Variants in ST3GAL3 observed in about 807,000 individuals in gnomAD.
ST3GAL3 encodes ST3 beta-galactoside alpha-2,3-sialyltransferase 3.
Under a neutral mutation model 50.1 loss-of-function variants are expected in ST3GAL3, and 21 were observed. The ratio of observed to expected loss-of-function variants is 0.42; its 90% CI spans 0.30 to 0.60. The LOEUF is 0.60. Ranked by LOEUF, ST3GAL3 falls within the 20% of genes least tolerant of loss-of-function variation. The pLI, the probability that ST3GAL3 is intolerant of heterozygous loss-of-function variation, is 0.19. For missense variants in ST3GAL3, 353 were observed against 489.4 expected, an observed-to-expected ratio of 0.72 and a Z score of 2.63; for synonymous variants, 183 against 190.0, an observed-to-expected ratio of 0.96 and a Z score of 0.30.
At position 43,881,352 on chromosome 1, in the gene ST3GAL3, G is replaced by A. The variant is rs12124580; in HGVS notation, c.303-13031G>A. On this transcript the variant is annotated intron_variant, in intron 5 of 11. Coordinates refer to ENST00000347631, the MANE Select transcript of ST3GAL3 (RefSeq NM_006279.5). ...TCCCAATGACTAGCACAGAGCCTGA[G>A]ATAAGCTGGGGCTTAGCACATATTA... Among the ~76,000 whole-genome samples, 1,046 of 152,330 alleles carry A rather than the reference G, an allele frequency of 6.9e-3. 10 individuals are homozygous for A. The highest frequency in any genetic ancestry group is 9.3e-3 in the Non-Finnish European group (634 of 68,034).
At chr1:43,716,024 T>G (rs1667206401) in intron 1 of ST3GAL3, among the ~76,000 whole-genome samples, 1 of 152,246 alleles carries the variant, frequency 6.6e-6, no homozygotes. Context: ...GGTATATAGT[T>G]ACGAGTTTTT....
chr1:43,851,122 G>A, intron 5 of ST3GAL3: 2 of 1,085,784 alleles, frequency 1.8e-6, no homozygotes, highest in Non-Finnish European at 2.9e-6. Flanking sequence ...CCAGGTTTTA[G>A]GAGGAGCAGC....
chr1:43,881,793 G>T (rs1040625773), intron 5 of ST3GAL3, among the ~76,000 whole-genome samples: 4 of 151,990 alleles, frequency 2.6e-5, no homozygotes, highest in Admixed American at 6.6e-5. Context: ...AGAATGGGGG[G>T]TGGGGGTGTC....
chr1:43,875,755 A>G (rs1022155177), intron 5 of ST3GAL3, among the ~76,000 whole-genome samples: 1 of 152,100 alleles, frequency 6.6e-6, no homozygotes, highest in Non-Finnish European at 1.5e-5. Flanking sequence ...TTTCCTTTAT[A>G]AATGACCCAG....
Position 43,903,921 on chromosome 1 carries a change from A to T in ST3GAL3, c.744+4194A>T, listed in dbSNP as rs1202272875. 1.2e-4 allele frequency among the ~76,000 whole-genome samples: 19 copies of T among 152,306 alleles called. No individual in the cohort carries two copies. The East Asian group carries it at 3.1e-3, about 25-fold the overall frequency. ...GCTGTGCATCTTTCAGGGTTTTTTT[A>T]AAATTAGATAAGATGAAATCTAGAA... On this transcript the variant is annotated intron_variant, in intron 9 of 11. Coordinates refer to ENST00000347631, the MANE Select transcript of ST3GAL3 (RefSeq NM_006279.5).
At chr1:43,777,425 C>A (rs188727164) in intron 2 of ST3GAL3, among the ~76,000 whole-genome samples, 1 of 152,288 alleles carries the variant, frequency 6.6e-6, no homozygotes, top group Admixed American at 6.5e-5. Flanking sequence ...GGTACAAAAA[C>A]AGACACATAG....
At chr1:43,925,606 G>A (rs894117592) in intron 11 of ST3GAL3, among the ~76,000 whole-genome samples, 2 of 152,230 alleles carry the variant, frequency 1.3e-5, no homozygotes, top group Non-Finnish European at 2.9e-5. Flanking sequence ...GTTACCTGGG[G>A]TGTCTCACAT....
chr1:43,892,281 A>G (rs1431108534), intron 5 of ST3GAL3, among the ~76,000 whole-genome samples: 1 of 151,228 alleles, frequency 6.6e-6, no homozygotes, highest in Non-Finnish European at 1.5e-5. Flanking sequence ...TTTTTGAGGC[A>G]AGTTCTCACA....
intron 2 of ST3GAL3, among the ~76,000 whole-genome samples, chr1:43,739,591 G>A (rs1679955811): frequency 6.6e-6 from 1 of 151,992 alleles, no homozygotes; most frequent in Non-Finnish European, 1.5e-5. Context: ...TACTGTTCTG[G>A]GTAAACTGGA....
chr1:43,775,968 T>C (rs1479350962), intron 2 of ST3GAL3, among the ~76,000 whole-genome samples: 1 of 152,218 alleles, frequency 6.6e-6, no homozygotes, highest in East Asian at 1.9e-4. Flanking sequence ...GGTCAGTGTT[T>C]CCCTGGAGGT....
chr1:43,729,517 A>G (rs1674660335), intron 1 of ST3GAL3, among the ~76,000 whole-genome samples: 2 of 152,130 alleles, frequency 1.3e-5, no homozygotes, highest in Admixed American at 1.3e-4. Context: ...TAGCTTCAAT[A>G]CATTTACTTA....
At chr1:43,876,138 A>G (rs990234307) in intron 5 of ST3GAL3, among the ~76,000 whole-genome samples, 1 of 151,744 alleles carries the variant, frequency 6.6e-6, no homozygotes, top group African/African-American at 2.4e-5. Flanking sequence ...AATTTTTTAA[A>G]TTTTTTGTAG....
intron 3 of ST3GAL3, among the ~76,000 whole-genome samples, chr1:43,803,301 G>A (rs76020584): frequency 0.032 from 4,932 of 151,820 alleles, 99 homozygotes; most frequent in Non-Finnish European, 0.048. Flanking sequence ...CCAGTTACTC[G>A]GGCTGAGGTG....
chr1:43,726,680 C>G (rs962669891), intron 1 of ST3GAL3, among the ~76,000 whole-genome samples: 2 of 152,160 alleles, frequency 1.3e-5, no homozygotes. Flanking sequence ...CTGCAGCCTC[C>G]GCCTGCCGAG....
chr1:43,878,785 G>A (rs2074562364), intron 5 of ST3GAL3, among the ~76,000 whole-genome samples: 1 of 152,212 alleles, frequency 6.6e-6, no homozygotes. Context: ...CAAGAGGGAA[G>A]AGCAGACACG....
At chr1:43,719,573 G>T (rs888438284) in intron 1 of ST3GAL3, among the ~76,000 whole-genome samples, 1 of 151,966 alleles carries the variant, frequency 6.6e-6, no homozygotes, top group South Asian at 2.1e-4. Context: ...GCCGAGGCAC[G>T]AGAATTGCTT....
intron 9 of ST3GAL3, among the ~76,000 whole-genome samples, chr1:43,904,713 A>T (rs1347938436): frequency 1.4e-5 from 1 of 71,660 alleles, no homozygotes; most frequent in Non-Finnish European, 2.9e-5. Context: ...GCTCCCTGTC[A>T]CTCTTCCTCA....
intron 3 of ST3GAL3, among the ~76,000 whole-genome samples, chr1:43,809,022 A>G (rs566936472): frequency 3.3e-5 from 5 of 152,334 alleles, no homozygotes; most frequent in South Asian, 2.1e-4. Context: ...TTGTATCTCA[A>G]AAATACTTAA....
At chr1:43,908,523 G>C (rs1047029503) in intron 9 of ST3GAL3, among the ~76,000 whole-genome samples, 4 of 152,078 alleles carry the variant, frequency 2.6e-5, no homozygotes, top group Admixed American at 2.6e-4. Context: ...GATGATTTGC[G>C]CAGGCTCAAG....
Sources: allele counts gnomAD v4.1 joint callset (sites outside exome capture counted in the v4.1 genomes callset), GRCh38; gene constraint gnomAD v4.1.1; transcripts MANE v1.5; gene names NCBI Gene and HGNC (gene_info 2026-07-23, HGNC 2026-07-21).